The following EVC2 variants were observed in gnomAD, a reference collection of about 807,000 sequenced individuals.
The protein encoded by EVC2 is EvC ciliary complex subunit 2, also known as limbin.
Under a neutral mutation model 149.3 loss-of-function variants are expected in EVC2, and 148 were observed. The ratio of observed to expected loss-of-function variants is 0.99; its 90% CI spans 0.87 to 1.14. The LOEUF is 1.14. Ranked by LOEUF, EVC2 falls within the 50% of genes most tolerant of loss-of-function variation. The pLI is 0.00. For synonymous variants in EVC2, 776 were observed against 649.9 expected (o/e 1.19, Z -2.95); for missense variants, 1,854 against 1,627.3 (o/e 1.14, Z -2.40).
intron 19 of EVC2, among the ~76,000 whole-genome samples, chr4:5,572,687 C>T (rs1722706135): frequency 6.6e-6 from 1 of 152,200 alleles, no homozygotes; most frequent in South Asian, 2.1e-4. Context: ...CAGAAACAGA[C>T]TGAGATGCAT....
At chr4:5,531,965 A>G in the EVC2 span, among the ~76,000 whole-genome samples, 2 of 152,078 alleles carry the variant, frequency 1.3e-5, no homozygotes, top group Non-Finnish European at 2.9e-5. Context: ...TACATAATAC[A>G]GTGTAAATGC....
chr4:5,681,365 G>T, intron 6 of EVC2, 52 bp from the exon 7 acceptor site: 1 of 1,587,550 alleles, frequency 6.3e-7, no homozygotes, highest in South Asian at 1.1e-5. Flanking sequence ...GGTCTGACAC[G>T]TGGGATAACA....
chr4:5,596,197 C>A (rs891421325), intron 16 of EVC2, among the ~76,000 whole-genome samples: 5 of 152,158 alleles, frequency 3.3e-5, no homozygotes, highest in Non-Finnish European at 4.4e-5. Context: ...AGGAACTGAA[C>A]TCAGCTCTGC....
chr4:5,616,996 C>T (rs990816058), intron 15 of EVC2, among the ~76,000 whole-genome samples: 1 of 152,154 alleles, frequency 6.6e-6, no homozygotes, highest in Non-Finnish European at 1.5e-5. Flanking sequence ...TATTTTCCCC[C>T]ATTGTTCAAA....
At chr4:5,543,061 G>A in exon 22 of EVC2, 1 of 1,054,752 alleles carries the variant, frequency 9.5e-7, no homozygotes, top group South Asian at 1.3e-5. Context: ...CGCAAACAGA[G>A]GCTCCAACGA....
chr4:5,612,206 T>A lies in EVC2; in HGVS notation c.2829+3216A>T, dbSNP rs565016188. Among the ~76,000 whole-genome samples, 5 of 152,374 alleles carry A rather than the reference T, an allele frequency of 3.3e-5. No individual in the cohort carries two copies. In the South Asian group the frequency reaches 1.0e-3, roughly 32 times the overall value. On this transcript the variant is annotated intron_variant, in intron 16 of 21. Coordinates refer to ENST00000344408, the MANE Select transcript of EVC2 (RefSeq NM_147127.5). ...ATCCTGTTAAATCTCTTTATTTTAT[T>A]CTTATACAAGCAAGACCTTAACTTT...
chr4:5,682,823 C>T (rs1354787289), intron 6 of EVC2, among the ~76,000 whole-genome samples: 1 of 150,902 alleles, frequency 6.6e-6, no homozygotes, highest in Admixed American at 6.6e-5. Flanking sequence ...TGCGCCATTA[C>T]ACTCCAGCCT....
intron 1 of EVC2, among the ~76,000 whole-genome samples, chr4:5,702,248 T>C (rs554048291): frequency 6.6e-6 from 1 of 152,240 alleles, no homozygotes; most frequent in African/African-American, 2.4e-5. Flanking sequence ...GCCCCTCATC[T>C]CTCAGACCAC....
At chr4:5,607,745 G>A (rs932753114) in intron 16 of EVC2, among the ~76,000 whole-genome samples, 1 of 152,092 alleles carries the variant, frequency 6.6e-6, no homozygotes, top group Non-Finnish European at 1.5e-5. Flanking sequence ...TCTGAAAGCA[G>A]AATGCAAACT....
Position 5,694,521 on chromosome 4 carries a change from C to A in EVC2, c.284-20G>T, listed in dbSNP as rs770220739. ...CTTCCACTGCAAAACAACAACACAC[C>A]CGTTTTATATAATGCGGAAAGACAG... On this transcript the variant is annotated intron_variant, in intron 2 of 21. Transcript: ENST00000344408. 6.2e-7 allele frequency: 1 copy of A among 1,614,112 alleles called. No individual in the cohort carries two copies. Among genetic ancestry groups the A allele is most frequent in the Non-Finnish European group, 8.5e-7 (1 of 1,179,994 alleles).
chr4:5,628,377 C>A (rs1336278779), intron 12 of EVC2, among the ~76,000 whole-genome samples, 182 bp downstream of exon 12: 1 of 152,140 alleles, frequency 6.6e-6, no homozygotes, highest in Non-Finnish European at 1.5e-5. Flanking sequence ...CCACATGATG[C>A]CCTTCCACCA....
chr4:5,681,132 C>T (rs1413226830), intron 7 of EVC2, 128 bp downstream of exon 7: 5 of 1,033,836 alleles, frequency 4.8e-6, no homozygotes, highest in Non-Finnish European at 7.6e-6. Flanking sequence ...TGCACAGAGT[C>T]CCAGTCTCAA....
intron 21 of EVC2, among the ~76,000 whole-genome samples, chr4:5,564,470 G>A (rs115459856): frequency 2.7e-3 from 407 of 152,304 alleles, no homozygotes; most frequent in African/African-American, 8.7e-3. Flanking sequence ...GGTTCCAAGC[G>A]CTTTATCATG....
chr4:5,558,264 T>C (rs1042896286), downstream of EVC2, among the ~76,000 whole-genome samples: 1 of 152,180 alleles, frequency 6.6e-6, no homozygotes, highest in Non-Finnish European at 1.5e-5. Context: ...CACACAAATA[T>C]AGTTAACTGA....
intron 14 of EVC2, among the ~76,000 whole-genome samples, chr4:5,619,113 T>A (rs1483261391): frequency 6.6e-6 from 1 of 152,192 alleles, no homozygotes; most frequent in African/African-American, 2.4e-5. Context: ...GAGTCCCTTA[T>A]GACTGGTTCC....
Position 5,679,319 on chromosome 4 carries a change from T to C in EVC2, c.870+1941A>G, listed in dbSNP as rs1021055995. ...GGCATGATCTCGGCTCACTGCAACC[T>C]CCGCCTCCCAGGTTCAAGCAATTCG... On this transcript the variant is annotated intron_variant, in intron 7 of 21. Coordinates refer to ENST00000344408, the MANE Select transcript of EVC2 (RefSeq NM_147127.5). The surrounding 1 kb of genome is among the most constrained non-coding windows in gnomAD (Gnocchi z 5.1). Among the ~76,000 whole-genome samples the C allele has an allele frequency of 6.6e-6, 1 of 152,094 alleles. No individual in the cohort carries two copies. Among genetic ancestry groups the C allele is most frequent in the Non-Finnish European group, 1.5e-5 (1 of 68,022 alleles).
chr4:5,654,255 G>A (rs922068560), intron 9 of EVC2, among the ~76,000 whole-genome samples: 6 of 152,200 alleles, frequency 3.9e-5, no homozygotes, highest in South Asian at 2.1e-4. Context: ...ATCCTATAGG[G>A]AGAAGAGGAG....
At chr4:5,563,491 C>T (rs754819510) in intron 21 of EVC2, among the ~76,000 whole-genome samples, 5 of 152,288 alleles carry the variant, frequency 3.3e-5, no homozygotes, top group East Asian at 1.9e-4. Context: ...GGACGACAGG[C>T]GCGTGCAACC....
intron 10 of EVC2, among the ~76,000 whole-genome samples, chr4:5,635,406 C>T (rs1560183313): frequency 6.6e-6 from 1 of 152,130 alleles, no homozygotes. Context: ...AAAAAGACTT[C>T]AGGGAGATAA....
Sources: gnomAD v4.1 joint callset for allele counts (sites outside exome capture counted in the v4.1 genomes callset) on GRCh38, gnomAD v4.1.1 for gene constraint, Gnocchi (gnomAD v3.1) non-coding constraint, MANE v1.5 for transcripts, NCBI Gene and HGNC (gene_info 2026-07-23, HGNC 2026-07-21) for gene names.